MTRF1: variants seen among roughly 807,000 people sequenced by gnomAD.
MTRF1 encodes mitochondrial translation release factor 1.
A neutral mutation model predicts 62.9 loss-of-function variants in MTRF1; 51 were observed. That is an observed-to-expected ratio of 0.81 (90% CI 0.65 to 1.02). MTRF1 has a LOEUF of 1.02. Among genes scored for constraint, MTRF1 ranks in the 50% least tolerant of loss-of-function variants. The pLI is 0.00. For missense variants in MTRF1, 446 were observed against 530.0 expected (o/e 0.84, Z 1.56); for synonymous variants, 158 against 181.9 (o/e 0.87, Z 1.06).
the MTRF1 span, among the ~76,000 whole-genome samples, chr13:41,279,187 AC>A: frequency 6.6e-6 from 1 of 152,006 alleles, no homozygotes; most frequent in South Asian, 2.1e-4. Flanking sequence ...ATGGGGTTTC[AC>A]TATGTTGGCC....
chr13:41,227,798 A>G (rs995277209), intron 7 of MTRF1, among the ~76,000 whole-genome samples: 2 of 152,224 alleles, frequency 1.3e-5, no homozygotes, highest in Non-Finnish European at 2.9e-5. Flanking sequence ...CCCTGTCTAA[A>G]TAAGCTACAG....
the MTRF1 span, among the ~76,000 whole-genome samples, chr13:41,275,827 A>G: frequency 6.6e-6 from 1 of 152,136 alleles, no homozygotes; most frequent in Non-Finnish European, 1.5e-5. Flanking sequence ...TTCACATTGA[A>G]AATCAGTCAG....
At chr13:41,256,991 C>T (rs2039814005) in intron 2 of MTRF1, among the ~76,000 whole-genome samples, 1 of 152,126 alleles carries the variant, frequency 6.6e-6, no homozygotes, top group African/African-American at 2.4e-5. Context: ...GAAAGGTAAC[C>T]ACACTTGTTT....
chr13:41,305,825 C>T, the MTRF1 span, among the ~76,000 whole-genome samples: 1 of 151,688 alleles, frequency 6.6e-6, no homozygotes, highest in Non-Finnish European at 1.5e-5. Flanking sequence ...CTTCCCTCAG[C>T]CCCCATTGCT....
At chr13:41,279,758 C>T in the MTRF1 span, among the ~76,000 whole-genome samples, 1 of 152,082 alleles carries the variant, frequency 6.6e-6, no homozygotes, top group Non-Finnish European at 1.5e-5. Flanking sequence ...GGGAAAAATC[C>T]ACATTCTATA....
the MTRF1 span, among the ~76,000 whole-genome samples, chr13:41,272,608 GA>G: frequency 6.6e-6 from 1 of 152,126 alleles, no homozygotes; most frequent in African/African-American, 2.4e-5. Flanking sequence ...ATGGTAAGGA[GA>G]AATTAAGACC....
intron 8 of MTRF1, 65 bp from the exon 9 acceptor site, chr13:41,223,419 G>A: frequency 1.5e-6 from 2 of 1,302,590 alleles, no homozygotes; most frequent in South Asian, 1.2e-5. Context: ...AATGGAAAAA[G>A]CACTTGGCAA....
chr13:41,306,781 G>GC, the MTRF1 span, among the ~76,000 whole-genome samples: 5 of 152,198 alleles, frequency 3.3e-5, no homozygotes, highest in Non-Finnish European at 7.3e-5. Context: ...CCAGGAAGGA[G>GC]CATCTGGGTG....
Position 41,260,563 on chromosome 13 carries a change from A to T in MTRF1, c.345T>A (p.Pro115=). The T allele has an allele frequency of 6.2e-7, 1 of 1,614,176 alleles. No homozygotes were observed. Among genetic ancestry groups the T allele is most frequent in the South Asian group, 1.1e-5 (1 of 91,078 alleles). The change falls in exon 2 of 10, where the codon CCT becomes CCA. Residue 115 remains proline, a synonymous_variant. Coordinates refer to ENST00000379480, the MANE Select transcript of MTRF1 (RefSeq NM_004294.4). The part of the protein sequence containing the change: ...SLNRRHAELA[P]LAAIYQEIQE... ...GAATTTCTTGGTAAATGGCTGCAAGAGGTGCCAACTCAGCATGCCTTCTGT... is the reference window on the plus strand; with the variant it reads ...GAATTTCTTGGTAAATGGCTGCAAGTGGTGCCAACTCAGCATGCCTTCTGT...
intron 9 of MTRF1, among the ~76,000 whole-genome samples, chr13:41,219,334 T>C (rs1318230191): frequency 6.6e-6 from 1 of 151,862 alleles, no homozygotes; most frequent in Non-Finnish European, 1.5e-5. Flanking sequence ...ATTATTATAG[T>C]ATTGCCAAGG....
chr13:41,264,981 A>G (rs953947513), upstream of MTRF1, among the ~76,000 whole-genome samples: 1 of 152,220 alleles, frequency 6.6e-6, no homozygotes, highest in Non-Finnish European at 1.5e-5. Flanking sequence ...GCCCACATGG[A>G]GCTTATGTTC....
At chr13:41,230,936 G>T (rs1029021042) in intron 7 of MTRF1, among the ~76,000 whole-genome samples, 1 of 151,844 alleles carries the variant, frequency 6.6e-6, no homozygotes, top group Non-Finnish European at 1.5e-5. Context: ...TTTTGGCCAG[G>T]CTAGTCTCAA....
At chr13:41,300,841 A>G in the MTRF1 span, among the ~76,000 whole-genome samples, 1 of 152,242 alleles carries the variant, frequency 6.6e-6, no homozygotes, top group African/African-American at 2.4e-5. Flanking sequence ...TTTCAGGAAC[A>G]TGAAGATAAT....
the MTRF1 span, among the ~76,000 whole-genome samples, chr13:41,273,325 CAAAA>C: frequency 2.5e-5 from 3 of 120,310 alleles, no homozygotes; most frequent in South Asian, 5.3e-4. Flanking sequence ...GACTCCGTCT[CAAAA>C]AAAAAAAAAA....
At chr13:41,297,888 T>G in the MTRF1 span, among the ~76,000 whole-genome samples, 1 of 152,196 alleles carries the variant, frequency 6.6e-6, no homozygotes, top group African/African-American at 2.4e-5. Context: ...TAATTCCTCT[T>G]AAAACTGTTC....
the MTRF1 span, among the ~76,000 whole-genome samples, chr13:41,273,097 C>T: frequency 1.7e-4 from 26 of 152,128 alleles, no homozygotes; most frequent in Middle Eastern, 3.4e-3. Context: ...GAGGCCGAGG[C>T]GGGTGGATCA....
intron 5 of MTRF1, among the ~76,000 whole-genome samples, chr13:41,244,015 A>G (rs962301530): frequency 6.6e-6 from 1 of 152,176 alleles, no homozygotes; most frequent in East Asian, 1.9e-4. Flanking sequence ...AATTAGTCCC[A>G]GTTCTTCAGG....
chr13:41,278,020 A>G, the MTRF1 span, among the ~76,000 whole-genome samples: 1 of 152,242 alleles, frequency 6.6e-6, no homozygotes, highest in South Asian at 2.1e-4. Flanking sequence ...AGATACTGCT[A>G]TATTACTAGG....
the MTRF1 span, among the ~76,000 whole-genome samples, chr13:41,274,533 C>T: frequency 6.6e-6 from 1 of 152,086 alleles, no homozygotes; most frequent in East Asian, 1.9e-4. Context: ...ATAAGTACAC[C>T]ATAAGGAATG....
Sources: gnomAD v4.1 joint callset for allele counts (sites outside exome capture counted in the v4.1 genomes callset) on GRCh38, gnomAD v4.1.1 for gene constraint, MANE v1.5 for transcripts, NCBI Gene and HGNC (gene_info 2026-07-23, HGNC 2026-07-21) for gene names.